The following PDE4A variants were observed in gnomAD, a reference collection of about 807,000 sequenced individuals.
PDE4A encodes 3',5'-cyclic-AMP phosphodiesterase 4A.
Under a neutral mutation model 73.9 loss-of-function variants are expected in PDE4A, and 21 were observed. The ratio of observed to expected loss-of-function variants is 0.28; its 90% CI spans 0.20 to 0.41. The LOEUF (loss-of-function observed/expected upper bound fraction) is 0.41, where lower values mean the gene tolerates loss of function less well. Ranked by LOEUF, PDE4A falls within the 10% of genes least tolerant of loss-of-function variation. PDE4A has a pLI of 1.00. For missense variants in PDE4A, 958 were observed against 1,211.4 expected (o/e 0.79, Z 3.10); for synonymous variants, 463 against 505.4 (o/e 0.92, Z 1.13).
At chr19:10,420,443 G>C (rs1399756557), upstream of PDE4A, 1 of 680,370 alleles carries the variant, frequency 1.5e-6, no homozygotes, top group Non-Finnish European at 1.8e-6. This position sits in a 1 kb window ranked among gnomAD's most constrained non-coding sequence, Gnocchi z 6.0. Context: ...GGCGCTGACA[G>C]CCGCGGCGGG....
intron 6 of PDE4A, 23 bp downstream of exon 6, chr19:10,450,964 C>A: frequency 6.4e-7 from 1 of 1,569,694 alleles, no homozygotes; most frequent in Non-Finnish European, 8.6e-7. Context: ...TGGGCAGAAC[C>A]CCTGGGCGGG....
At position 10,424,477 on chromosome 19, in the gene PDE4A, G is replaced by C. The variant is rs1199274213; in HGVS notation, c.320+3393G>C. Among the ~76,000 whole-genome samples the C allele has an allele frequency of 1.3e-5, 2 of 152,258 alleles. No homozygotes were observed. Among genetic ancestry groups the C allele is most frequent in the African/African-American group, 4.8e-5 (2 of 41,466 alleles). ...GTGGGTTGGGAGCGGGTCTCCCCGCGCGCCCTCTGCTGGACGACGAGGAAG... is the reference window on the plus strand; with the variant it reads ...GTGGGTTGGGAGCGGGTCTCCCCGCCCGCCCTCTGCTGGACGACGAGGAAG... On this transcript the variant is annotated intron_variant, in intron 1 of 14. Coordinates refer to ENST00000380702, the MANE Select transcript of PDE4A (RefSeq NM_001111307.2). The surrounding 1 kb of genome is among the most constrained non-coding windows in gnomAD (Gnocchi z 4.8).
chr19:10,459,747 G>A lies in PDE4A; in HGVS notation c.1353G>A (p.Thr451=), dbSNP rs758712879. Residue 451 remains threonine, a synonymous_variant, in exon 10 of 15, where the codon ACG becomes ACA. Coordinates refer to ENST00000380702, the MANE Select transcript of PDE4A (RefSeq NM_001111307.2). ...AGTCCACCCACGTACTGCTGGCCAC[G>A]CCTGCACTAGATGTGAGTGACTGCC... ...VLQSTHVLLA[T]PALDAVFTDL... 34 of 1,610,430 alleles carry A rather than the reference G, an allele frequency of 2.1e-5. No homozygotes were observed. Among genetic ancestry groups the A allele is most frequent in the Middle Eastern group, 1.7e-4 (1 of 5,898 alleles).
intron 1 of PDE4A, 100 bp from the exon 2 acceptor site, chr19:10,446,118 C>T: frequency 6.8e-7 from 1 of 1,471,862 alleles, no homozygotes; most frequent in South Asian, 1.4e-5. Context: ...GGATTACAGG[C>T]ATTACAGGCG....
At chr19:10,461,728 C>A in intron 12 of PDE4A, 48 bp downstream of exon 12, 1 of 1,605,404 alleles carries the variant, frequency 6.2e-7, no homozygotes, top group South Asian at 1.1e-5. Flanking sequence ...GCCTAGGAGT[C>A]GAGGGCTTTG....
In PDE4A at chr19:10,461,551, C is replaced by T. The variant is rs1386904743; in HGVS notation, c.1491C>T (p.Asn497=). 6.2e-7 allele frequency: 1 copy of T among 1,614,138 alleles called. No homozygotes were observed. Among genetic ancestry groups the T allele is most frequent in the South Asian group, 1.1e-5 (1 of 91,086 alleles). The stretch of plus-strand genomic sequence containing the variant: ...ATTCGGAGCTGGCGCTCATGTACAA[C>T]GATGAGTCGGTGCTCGAGAATCACC... ...NTNSELALMY[N]DESVLENHHL... The change falls in exon 12 of 15, where the codon AAC becomes AAT. Residue 497 remains asparagine, a synonymous_variant. Transcript: ENST00000380702.
intron 2 of PDE4A, among the ~76,000 whole-genome samples, chr19:10,448,263 C>A (rs2043041035): frequency 6.6e-6 from 1 of 151,816 alleles, no homozygotes; most frequent in Non-Finnish European, 1.5e-5. Context: ...CCACACCCAG[C>A]TAATTTTTGT....
At chr19:10,417,978 C>T (rs1486048230), upstream of PDE4A, 7 of 1,202,588 alleles carry the variant, frequency 5.8e-6, no homozygotes, top group Non-Finnish European at 8.1e-6. Context: ...GTTTGCAAAA[C>T]TAGCTGCAAC....
rs964786918 is a variant in PDE4A, at chr19:10,432,287, G to T, written c.320+11203G>T. On this transcript the variant is annotated intron_variant, in intron 1 of 14. Transcript: ENST00000380702. ...CGTGCAGACCCGGGAACGCTCGACC[G>T]CCCGGGGCTGTCCCTGGGGGGGTCA... 3 of 1,091,970 alleles carry T rather than the reference G, an allele frequency of 2.7e-6. No individual in the cohort carries two copies. In the African/African-American group the frequency reaches 5.0e-5, roughly 18 times the overall value. 67.6% of individuals were successfully genotyped at this position (1,091,970 alleles called of 1,614,324 possible).
At chr19:10,436,678 CTTG>C (rs1329132719) in intron 1 of PDE4A, among the ~76,000 whole-genome samples, 1 of 152,216 alleles carries the variant, frequency 6.6e-6, no homozygotes, top group African/African-American at 2.4e-5. Context: ...CAATAAATGT[CTTG>C]TTATTATTAC....
At chr19:10,457,829 CA>C (rs768689048) in intron 7 of PDE4A, 49 bp from the exon 8 acceptor site, 12 of 1,606,236 alleles carry the variant, frequency 7.5e-6, no homozygotes, top group East Asian at 6.7e-5. Flanking sequence ...AGGGAGCCTC[CA>C]GGGGTGGAAG....
intron 1 of PDE4A, among the ~76,000 whole-genome samples, chr19:10,437,657 A>T (rs144113147): frequency 2.0e-5 from 3 of 152,020 alleles, no homozygotes; most frequent in African/African-American, 7.2e-5. Flanking sequence ...GACTTAAGTG[A>T]TCCTCCCACC....
At chr19:10,430,887 C>T in intron 1 of PDE4A, 1 of 1,481,092 alleles carries the variant, frequency 6.8e-7, no homozygotes, top group Non-Finnish European at 8.9e-7. Flanking sequence ...GGAGCTGCAA[C>T]TGGTGGCCTT....
chr19:10,436,598 G>A (rs536648857), intron 1 of PDE4A, among the ~76,000 whole-genome samples: 1 of 152,180 alleles, frequency 6.6e-6, no homozygotes, highest in African/African-American at 2.4e-5. Context: ...AACTTATAGA[G>A]TGGGTTGGAG....
At chr19:10,421,407 G>A (rs1599395235) in intron 1 of PDE4A, 1 of 922,194 alleles carries the variant, frequency 1.1e-6, no homozygotes, top group East Asian at 1.2e-4. Flanking sequence ...GCTAAGCTGG[G>A]AACCACTTGG....
intron 7 of PDE4A, among the ~76,000 whole-genome samples, chr19:10,456,972 C>A (rs951835925): frequency 6.6e-6 from 1 of 151,744 alleles, no homozygotes; most frequent in Non-Finnish European, 1.5e-5. Context: ...CCGAGGCAGG[C>A]GGATCACTTG....
At chr19:10,430,058 G>T (rs1349120109) in intron 1 of PDE4A, among the ~76,000 whole-genome samples, 3 of 152,022 alleles carry the variant, frequency 2.0e-5, no homozygotes, top group Non-Finnish European at 4.4e-5. Context: ...GGGTACTGAG[G>T]GAGGGTCTAT....
At chr19:10,445,761 A>C (rs1599428514) in intron 1 of PDE4A, among the ~76,000 whole-genome samples, 1 of 141,444 alleles carries the variant, frequency 7.1e-6, no homozygotes. Context: ...ACAGAGCGAG[A>C]CCATACCTCA....
chr19:10,422,627 T>C (rs944210204), intron 1 of PDE4A, among the ~76,000 whole-genome samples: 1 of 152,056 alleles, frequency 6.6e-6, no homozygotes, highest in Non-Finnish European at 1.5e-5. Context: ...CTAAGTCTCT[T>C]TGGGGGTCTT....
Sources: allele counts gnomAD v4.1 joint callset (sites outside exome capture counted in the v4.1 genomes callset), GRCh38; gene constraint gnomAD v4.1.1; non-coding constraint Gnocchi (gnomAD v3.1); transcripts MANE v1.5; gene names NCBI Gene and HGNC (gene_info 2026-07-23, HGNC 2026-07-21).